The following NBEA variants were observed in gnomAD, a reference collection of about 807,000 sequenced individuals.
The protein encoded by NBEA is lysosomal-trafficking regulator 2.
NBEA carries 44 observed loss-of-function variants against 343.4 expected under a neutral mutation model. The observed-to-expected ratio is 0.13, with a 90% CI of 0.10 to 0.16. The LOEUF (loss-of-function observed/expected upper bound fraction) is 0.16. Among genes scored for constraint, NBEA ranks in the 10% least tolerant of loss-of-function variants. The probability of loss-of-function intolerance (pLI) is 1.00; values close to 1 mark genes in which losing one functional copy is unlikely to be tolerated. For synonymous variants in NBEA, 1,175 were observed against 1,238.7 expected (o/e 0.95, Z 1.08); for missense variants, 2,555 against 3,631.3 (o/e 0.70, Z 7.62).
At chr13:35,508,937 A>T (rs1449486025) in intron 41 of NBEA, among the ~76,000 whole-genome samples, 2 of 152,190 alleles carry the variant, frequency 1.3e-5, no homozygotes, top group Non-Finnish European at 2.9e-5. Flanking sequence ...AGTGTCTAGC[A>T]ATCATGCCCT....
At chr13:34,992,833 C>T (rs556703725) in intron 1 of NBEA, among the ~76,000 whole-genome samples, 1,923 of 120,476 alleles carry the variant, frequency 0.016, 17 homozygotes, top group Non-Finnish European at 0.023. Context: ...CCACCACACC[C>T]GGCTAATTTT....
intron 1 of NBEA, among the ~76,000 whole-genome samples, chr13:34,963,792 C>G (rs2059736384): frequency 6.6e-6 from 1 of 151,626 alleles, no homozygotes; most frequent in Non-Finnish European, 1.5e-5. Flanking sequence ...CGGAAAAGCC[C>G]AAATAGTTTT....
intron 42 of NBEA, 27 bp from the exon 43 acceptor site, chr13:35,550,903 A>G: frequency 6.9e-7 from 1 of 1,441,096 alleles, no homozygotes; most frequent in Non-Finnish European, 9.7e-7. Context: ...GGTTTTCTAA[A>G]CTCTGTTTTT....
At chr13:35,245,262 T>G (rs2031005470) in intron 34 of NBEA, among the ~76,000 whole-genome samples, 1 of 152,182 alleles carries the variant, frequency 6.6e-6, no homozygotes. Flanking sequence ...TAATTCTGTT[T>G]TTTAAGTGGA....
chr13:35,295,404 T>C (rs1269309043), intron 35 of NBEA, among the ~76,000 whole-genome samples: 1 of 151,960 alleles, frequency 6.6e-6, no homozygotes, highest in Non-Finnish European at 1.5e-5. Context: ...CTCTAGACGG[T>C]GGGTGACCCC....
chr13:35,316,725 A>G (rs1224638568), intron 36 of NBEA, among the ~76,000 whole-genome samples: 1 of 152,144 alleles, frequency 6.6e-6, no homozygotes, highest in Non-Finnish European at 1.5e-5. Flanking sequence ...ACTCCCACCA[A>G]CAGTGTAACA....
intron 44 of NBEA, among the ~76,000 whole-genome samples, chr13:35,559,615 T>A (rs1016444520): frequency 6.6e-6 from 1 of 152,140 alleles, no homozygotes; most frequent in African/African-American, 2.4e-5. Context: ...CTTTCATTTT[T>A]CCTATTGAAA....
At chr13:35,400,816 A>G (rs1012278885) in intron 38 of NBEA, among the ~76,000 whole-genome samples, 3 of 151,916 alleles carry the variant, frequency 2.0e-5, no homozygotes, top group Non-Finnish European at 4.4e-5. Flanking sequence ...GAGCACTCCT[A>G]TGTTAGGAGA....
chr13:35,450,379 C>T (rs1488343987), intron 39 of NBEA, among the ~76,000 whole-genome samples: 1 of 152,020 alleles, frequency 6.6e-6, no homozygotes, highest in African/African-American at 2.4e-5. Flanking sequence ...CCCACCTACT[C>T]AGGAAGCTGA....
intron 1 of NBEA, among the ~76,000 whole-genome samples, chr13:35,003,306 G>A (rs1285556448): frequency 6.6e-6 from 1 of 152,012 alleles, no homozygotes; most frequent in Non-Finnish European, 1.5e-5. Context: ...TTGATTATGC[G>A]GTGCAGCAAG....
chr13:35,114,717 A>C (rs1277022427), intron 13 of NBEA, among the ~76,000 whole-genome samples: 2 of 152,162 alleles, frequency 1.3e-5, no homozygotes, highest in East Asian at 3.9e-4. Flanking sequence ...CAGTACATAT[A>C]TTTTAAATGA....
intron 34 of NBEA, among the ~76,000 whole-genome samples, chr13:35,287,533 C>A (rs918110945): frequency 6.6e-6 from 1 of 152,060 alleles, no homozygotes; most frequent in African/African-American, 2.4e-5. Context: ...ATTCATCCAT[C>A]CCCCAAGCTA....
chr13:35,625,339 A>C (rs1409973250), intron 48 of NBEA, among the ~76,000 whole-genome samples: 2 of 152,320 alleles, frequency 1.3e-5, no homozygotes, highest in South Asian at 2.1e-4. Context: ...AAATCAGGCC[A>C]GGTGCAGTTG....
At chr13:35,393,063 T>C (rs1424118187) in intron 38 of NBEA, among the ~76,000 whole-genome samples, 2 of 151,960 alleles carry the variant, frequency 1.3e-5, no homozygotes, top group Non-Finnish European at 2.9e-5. Context: ...AGCTGTTTTT[T>C]TACAACCTCT....
chr13:35,227,738 A>G (rs2074735837), intron 33 of NBEA, among the ~76,000 whole-genome samples: 1 of 152,066 alleles, frequency 6.6e-6, no homozygotes, highest in African/African-American at 2.4e-5. Flanking sequence ...AGGAGAATAC[A>G]AAAAGTAAAT....
At chr13:35,444,483 GTAGAC>G (rs1344345384) in intron 39 of NBEA, among the ~76,000 whole-genome samples, 2 of 151,980 alleles carry the variant, frequency 1.3e-5, no homozygotes, top group Admixed American at 1.3e-4. Context: ...TAAAAGAGTG[GTAGAC>G]TTCGTCAAAA....
intron 17 of NBEA, among the ~76,000 whole-genome samples, chr13:35,124,604 A>C (rs1182999144): frequency 1.3e-5 from 2 of 149,868 alleles, no homozygotes; most frequent in East Asian, 3.9e-4. Flanking sequence ...ATGGATATAT[A>C]TACACATACA....
At chr13:35,368,934 A>T (rs1046197170) in intron 38 of NBEA, among the ~76,000 whole-genome samples, 1 of 151,784 alleles carries the variant, frequency 6.6e-6, no homozygotes, top group African/African-American at 2.4e-5. Flanking sequence ...GTGGCTAACA[A>T]GAATCCTCTA....
intron 38 of NBEA, among the ~76,000 whole-genome samples, chr13:35,426,980 C>G (rs1219691537): frequency 6.6e-6 from 1 of 152,200 alleles, no homozygotes; most frequent in Non-Finnish European, 1.5e-5. Context: ...GTTTTCAGCT[C>G]CATCAGGTCC....
Sources: gnomAD v4.1 joint callset for allele counts (sites outside exome capture counted in the v4.1 genomes callset) on GRCh38, gnomAD v4.1.1 for gene constraint, MANE v1.5 for transcripts, NCBI Gene and HGNC (gene_info 2026-07-23, HGNC 2026-07-21) for gene names.